KLF8: variants seen among roughly 807,000 people sequenced by gnomAD.
KLF8 encodes the protein Krueppel-like factor 8.
A neutral mutation model predicts 18.2 loss-of-function variants in KLF8; 10 were observed. That is an observed-to-expected ratio of 0.55 (90% CI 0.34 to 0.93). The LOEUF is 0.93. Among genes scored for constraint, KLF8 ranks in the 40% least tolerant of loss-of-function variants. The pLI, the probability that KLF8 is intolerant of heterozygous loss-of-function variation, is 0.02. For missense variants in KLF8, 264 were observed against 277.9 expected, an observed-to-expected ratio of 0.95 and a Z score of 0.36; for synonymous variants, 109 against 97.3, an observed-to-expected ratio of 1.12 and a Z score of -0.71.
chrX:56,018,536 A>G, the KLF8 span, among the ~76,000 whole-genome samples: 1 of 111,649 alleles, frequency 9.0e-6, no homozygotes, highest in East Asian at 2.8e-4. Context: ...CCCTTTGGGC[A>G]AAGTTTGGTT....
At chrX:56,185,396 G>C in the KLF8 span, among the ~76,000 whole-genome samples, 1 of 112,354 alleles carries the variant, frequency 8.9e-6, no homozygotes, top group Non-Finnish European at 1.9e-5. Flanking sequence ...ATCTACATCT[G>C]ATTGGTGTAC....
At chrX:55,989,642 G>T in the KLF8 span, among the ~76,000 whole-genome samples, 2 of 111,271 alleles carry the variant, frequency 1.8e-5, no homozygotes, top group Non-Finnish European at 3.8e-5. Context: ...ATGTTCGTCG[G>T]GGATATTGGT....
chrX:56,065,994 G>T, the KLF8 span, among the ~76,000 whole-genome samples: 4 of 111,549 alleles, frequency 3.6e-5, no homozygotes, highest in African/African-American at 1.3e-4. Context: ...AGGCTGATTT[G>T]TTGGACCCCA....
rs778213955 is a variant in KLF8 at position 56,232,479 on chromosome X, A to G, written c.-856A>G. On this transcript the variant is annotated 5_prime_UTR_variant, in exon 1 of 6. Coordinates refer to ENST00000468660, the MANE Select transcript of KLF8 (RefSeq NM_007250.5). ...GGCCAGAGAAAGACGGAATCACTCT[A>G]CCCACTCAGGTTGCCCAGAGAGCAC... 3 of 110,623 alleles carry G rather than the reference A, an allele frequency of 2.7e-5. No individual in the cohort carries two copies. The highest frequency in any genetic ancestry group is 5.7e-5 in the Non-Finnish European group (3 of 52,810). 9.1% of individuals were successfully genotyped at this position (110,623 alleles called of 1,213,427 possible). A position where few individuals can be genotyped will look rare whatever the true frequency, so the allele number is the denominator to read the frequency against.
At chrX:55,968,908 C>T in the KLF8 span, among the ~76,000 whole-genome samples, 1 of 111,668 alleles carries the variant, frequency 9.0e-6, no homozygotes, top group African/African-American at 3.3e-5. Context: ...GAGGTTATAA[C>T]AATTGTAAAT....
At chrX:56,270,418 G>C (rs112566521) in intron 5 of KLF8, 97 bp downstream of exon 5, 1 of 949,084 alleles carries the variant, frequency 1.1e-6, no homozygotes, top group African/African-American at 1.9e-5. Context: ...GAGAGAGAGA[G>C]AGAGGGGCAG....
At chrX:56,124,430 C>T in the KLF8 span, among the ~76,000 whole-genome samples, 2 of 112,259 alleles carry the variant, frequency 1.8e-5, no homozygotes, top group Non-Finnish European at 3.8e-5. Flanking sequence ...AAACTGGCTT[C>T]AGTGACCAGT....
chrX:56,183,290 T>A, the KLF8 span, among the ~76,000 whole-genome samples: 6 of 112,321 alleles, frequency 5.3e-5, no homozygotes, highest in Non-Finnish European at 7.5e-5. Flanking sequence ...TATAATCTCC[T>A]GGTTCCCCAT....
At chrX:55,970,761 C>T in the KLF8 span, among the ~76,000 whole-genome samples, 1 of 111,239 alleles carries the variant, frequency 9.0e-6, no homozygotes, top group Admixed American at 9.6e-5. Context: ...CTTCTATATG[C>T]CACTAGCAAA....
the KLF8 span, among the ~76,000 whole-genome samples, chrX:56,171,942 C>T: frequency 3.6e-5 from 4 of 111,308 alleles, no homozygotes; most frequent in Non-Finnish European, 7.5e-5. Context: ...CTTGAGGAAT[C>T]GCCACACTAT....
At chrX:56,277,957 T>G (rs2067144258) in intron 5 of KLF8, among the ~76,000 whole-genome samples, 2 of 112,614 alleles carry the variant, frequency 1.8e-5, no homozygotes, top group Admixed American at 1.9e-4. Context: ...AGGGAGTACT[T>G]CCAGGCTACT....
the KLF8 span, among the ~76,000 whole-genome samples, chrX:56,074,040 G>A: frequency 8.9e-6 from 1 of 111,800 alleles, no homozygotes; most frequent in African/African-American, 3.2e-5. Flanking sequence ...GAGCCAACGC[G>A]CCTGGCAGTG....
the KLF8 span, among the ~76,000 whole-genome samples, chrX:56,032,167 C>T: frequency 2.7e-5 from 3 of 110,719 alleles, no homozygotes; most frequent in Non-Finnish European, 5.7e-5. Flanking sequence ...AAACAGGTAC[C>T]GAGTATAAAA....
chrX:56,184,881 C>A, the KLF8 span, among the ~76,000 whole-genome samples: 2 of 111,895 alleles, frequency 1.8e-5, no homozygotes, highest in African/African-American at 3.3e-5. Flanking sequence ...CTGTACATCA[C>A]CATCATCAAA....
the KLF8 span, among the ~76,000 whole-genome samples, chrX:56,051,821 G>T: frequency 9.3e-6 from 1 of 107,185 alleles, no homozygotes; most frequent in East Asian, 2.8e-4. Flanking sequence ...GGCCTGCCTT[G>T]CTATATTGGG....
chrX:56,235,488 C>T (rs1569173629), intron 1 of KLF8, among the ~76,000 whole-genome samples: 1 of 104,915 alleles, frequency 9.5e-6, no homozygotes, highest in Non-Finnish European at 1.9e-5. Flanking sequence ...GTGATCTCGG[C>T]TTGCCGCAAC....
At chrX:56,182,530 G>T in the KLF8 span, among the ~76,000 whole-genome samples, 1 of 112,455 alleles carries the variant, frequency 8.9e-6, no homozygotes, top group Non-Finnish European at 1.9e-5. Context: ...TGTTCCTTTG[G>T]AGTAGAAGAG....
At position 56,289,904 on chromosome X, in the gene KLF8, A is replaced by G. The variant is rs1008277198; in HGVS notation, c.*5410A>G. 1.3e-4 allele frequency among the ~76,000 whole-genome samples: 15 copies of G among 111,490 alleles called. No individual in the cohort carries two copies. Among genetic ancestry groups the G allele is most frequent in the African/African-American group, 2.0e-4 (6 of 30,648 alleles). On this transcript the variant is annotated 3_prime_UTR_variant, in exon 6 of 6. Coordinates refer to ENST00000468660, the MANE Select transcript of KLF8 (RefSeq NM_007250.5). ...TCTGAGTTCCAAGATTCTGGGGTCT[A>G]TCCTGCCCCCAAAAAGTTTTCTCAT...
At chrX:56,185,768 C>T in the KLF8 span, among the ~76,000 whole-genome samples, 2 of 111,622 alleles carry the variant, frequency 1.8e-5, no homozygotes, top group East Asian at 5.6e-4. Context: ...CATATCCAGC[C>T]AAACTAAGCT....
Sources: allele counts gnomAD v4.1 joint callset (sites outside exome capture counted in the v4.1 genomes callset), GRCh38; gene constraint gnomAD v4.1.1; transcripts MANE v1.5; gene names NCBI Gene and HGNC (gene_info 2026-07-23, HGNC 2026-07-21).